Variants in GLIS3 observed in about 807,000 individuals in gnomAD.
The protein encoded by GLIS3 is zinc finger protein GLIS3.
GLIS3 carries 53 observed loss-of-function variants against 78.6 expected under a neutral mutation model. The observed-to-expected ratio is 0.67, with a 90% CI of 0.54 to 0.85. The LOEUF (loss-of-function observed/expected upper bound fraction) is 0.85, where lower values mean the gene tolerates loss of function less well. Among genes scored for constraint, GLIS3 ranks in the 40% least tolerant of loss-of-function variants. GLIS3 has a pLI of 0.00. For synonymous variants in GLIS3, 684 were observed against 509.9 expected, an observed-to-expected ratio of 1.34 and a Z score of -4.60; for missense variants, 1,703 against 1,231.1, an observed-to-expected ratio of 1.38 and a Z score of -5.74.
chr9:4,288,903 C>A (rs973105898), intron 1 of GLIS3, among the ~76,000 whole-genome samples: 3 of 151,916 alleles, frequency 2.0e-5, no homozygotes, highest in African/African-American at 7.3e-5. Context: ...GAAAATATGG[C>A]GAATATTCCA....
the GLIS3 span, among the ~76,000 whole-genome samples, chr9:4,392,318 G>A: frequency 6.6e-6 from 1 of 152,144 alleles, no homozygotes; most frequent in Admixed American, 6.5e-5. Flanking sequence ...GTGACGGGTT[G>A]ATAGGTGCTG....
chr9:4,385,649 C>T, the GLIS3 span, among the ~76,000 whole-genome samples: 3 of 90,214 alleles, frequency 3.3e-5, no homozygotes, highest in Admixed American at 3.1e-4. Context: ...TGGGTGACAA[C>T]AGTGAAACTC....
intron 2 of GLIS3, among the ~76,000 whole-genome samples, chr9:4,209,299 T>G (rs1453976813): frequency 6.6e-6 from 1 of 152,208 alleles, no homozygotes. Flanking sequence ...AACAGGTGCT[T>G]GTGCTACCTC....
At chr9:3,831,592 A>G (rs948744927) in intron 9 of GLIS3, among the ~76,000 whole-genome samples, 7 of 152,226 alleles carry the variant, frequency 4.6e-5, no homozygotes, top group African/African-American at 1.7e-4. Flanking sequence ...TGTTCAGACT[A>G]TTGGATTAAG....
intron 9 of GLIS3, among the ~76,000 whole-genome samples, chr9:3,848,582 A>G (rs1819210554): frequency 6.6e-6 from 1 of 152,238 alleles, no homozygotes; most frequent in African/African-American, 2.4e-5. Context: ...GAAATCAGTC[A>G]TGGCTACAGC....
At chr9:4,053,419 T>A (rs1359753131) in intron 4 of GLIS3, among the ~76,000 whole-genome samples, 1 of 152,112 alleles carries the variant, frequency 6.6e-6, no homozygotes, top group Non-Finnish European at 1.5e-5. Flanking sequence ...TTTGCTGACA[T>A]CATTGTTTCA....
chr9:4,476,465 G>A, the GLIS3 span, among the ~76,000 whole-genome samples: 14 of 152,096 alleles, frequency 9.2e-5, no homozygotes, highest in Admixed American at 8.5e-4. Flanking sequence ...GGGTTCAAGC[G>A]ATCCTCCTGC....
chr9:4,420,508 G>A, the GLIS3 span, among the ~76,000 whole-genome samples: 1 of 152,162 alleles, frequency 6.6e-6, no homozygotes, highest in African/African-American at 2.4e-5. Flanking sequence ...ATCACGTTAA[G>A]CAAGCCAATA....
chr9:3,913,711 T>C (rs1295478852), intron 6 of GLIS3, among the ~76,000 whole-genome samples: 7 of 152,250 alleles, frequency 4.6e-5, no homozygotes, highest in Non-Finnish European at 7.3e-5. Flanking sequence ...TGAAAAGCAA[T>C]TTCTCTTCAT....
intron 3 of GLIS3, among the ~76,000 whole-genome samples, chr9:4,310,023 T>A (rs762136456): frequency 6.6e-6 from 1 of 152,214 alleles, no homozygotes; most frequent in Non-Finnish European, 1.5e-5. Flanking sequence ...TTGATCTGAG[T>A]TGTTGAAAAC....
the GLIS3 span, among the ~76,000 whole-genome samples, chr9:4,391,822 C>T: frequency 2.6e-5 from 4 of 152,114 alleles, no homozygotes; most frequent in African/African-American, 4.8e-5. Flanking sequence ...TTAGTTCAAC[C>T]ATTGTGGAAG....
chr9:4,165,105 G>A (rs905153373), intron 2 of GLIS3, among the ~76,000 whole-genome samples: 82 of 152,262 alleles, frequency 5.4e-4, no homozygotes, highest in African/African-American at 1.8e-3. Context: ...CAGGAGAACA[G>A]AGGCTGGAGG....
intron 2 of GLIS3, among the ~76,000 whole-genome samples, chr9:4,342,613 T>C (rs1206621585): frequency 1.3e-5 from 2 of 152,228 alleles, no homozygotes; most frequent in African/African-American, 2.4e-5. Context: ...ACTATAATAG[T>C]TCTTTTCTAA....
chr9:4,367,091 T>C, the GLIS3 span, among the ~76,000 whole-genome samples: 1 of 152,220 alleles, frequency 6.6e-6, no homozygotes. Context: ...ACCCTTCTAA[T>C]TTCAATGACA....
chr9:3,962,854 T>C (rs1009034619), intron 4 of GLIS3, among the ~76,000 whole-genome samples: 2 of 150,946 alleles, frequency 1.3e-5, no homozygotes, highest in Non-Finnish European at 2.9e-5. Context: ...GCAAATGGCA[T>C]AGTAACGAAG....
chr9:4,289,682 A>G (rs576588871), intron 1 of GLIS3, among the ~76,000 whole-genome samples: 9 of 152,284 alleles, frequency 5.9e-5, no homozygotes, highest in Non-Finnish European at 1.2e-4. Flanking sequence ...GAAACAAGAA[A>G]AAGAAAAAGC....
chr9:4,388,077 A>C, the GLIS3 span, among the ~76,000 whole-genome samples: 3 of 152,226 alleles, frequency 2.0e-5, no homozygotes, highest in African/African-American at 7.2e-5. Flanking sequence ...ATGTACCATT[A>C]AAGTTTCTTA....
intron 2 of GLIS3, among the ~76,000 whole-genome samples, chr9:4,330,674 G>C (rs1006969940): frequency 1.6e-4 from 24 of 151,932 alleles, no homozygotes; most frequent in African/African-American, 5.1e-4. Flanking sequence ...GAGATGAAGA[G>C]AGGTGGAGAT....
intron 4 of GLIS3, among the ~76,000 whole-genome samples, chr9:3,946,250 C>A (rs934146079): frequency 2.0e-5 from 3 of 152,210 alleles, no homozygotes; most frequent in Non-Finnish European, 4.4e-5. Context: ...GGTACTGAGT[C>A]TTATTAATAC....
Sources: allele counts gnomAD v4.1 joint callset (sites outside exome capture counted in the v4.1 genomes callset), GRCh38; gene constraint gnomAD v4.1.1; transcripts MANE v1.5; gene names NCBI Gene and HGNC (gene_info 2026-07-23, HGNC 2026-07-21).